Variants in MTNR1B observed in about 807,000 individuals in gnomAD.
The protein encoded by MTNR1B is melatonin receptor 1B, also known as melatonin receptor type 1B.
Under a neutral mutation model 7.0 loss-of-function variants are expected in MTNR1B, and 7 were observed. The observed-to-expected ratio is 1.00, with a 90% CI of 0.57 to 1.88. The LOEUF is 1.88. MTNR1B is among the 40% of genes most tolerant of loss of function. MTNR1B has a pLI of 0.00. For missense variants in MTNR1B, 478 were observed against 486.5 expected (o/e 0.98, Z 0.16); for synonymous variants, 226 against 208.2 (o/e 1.09, Z -0.74).
At chr11:92,983,643 G>A (rs955900573), downstream of MTNR1B, among the ~76,000 whole-genome samples, 1 of 152,130 alleles carries the variant, frequency 6.6e-6, no homozygotes, top group Non-Finnish European at 1.5e-5. Flanking sequence ...TTATGTATTT[G>A]TGGACTTTAT....
At chr11:92,972,404 C>A (rs1278440369) in intron 1 of MTNR1B, 2 of 456,108 alleles carry the variant, frequency 4.4e-6, no homozygotes, top group African/African-American at 2.0e-5. Flanking sequence ...TCATTCCTAA[C>A]AGTGCCGCTC....
intron 1 of MTNR1B, among the ~76,000 whole-genome samples, chr11:92,978,282 AAGAG>A (rs1365237354): frequency 2.0e-5 from 3 of 152,230 alleles, no homozygotes; most frequent in Non-Finnish European, 2.9e-5. Context: ...TCCAGAAAGA[AAGAG>A]AGAGGAAGAG....
intron 1 of MTNR1B, chr11:92,972,499 G>T: frequency 2.2e-6 from 1 of 456,164 alleles, no homozygotes; most frequent in Non-Finnish European, 4.4e-6. Context: ...GCATGTGGTG[G>T]GTTGACTTCA....
At chr11:92,970,967 T>C (rs1857913229) in intron 1 of MTNR1B, among the ~76,000 whole-genome samples, 1 of 152,140 alleles carries the variant, frequency 6.6e-6, no homozygotes, top group Admixed American at 6.5e-5. Context: ...CTAGAAATTT[T>C]TTTTTTTTGA....
intron 1 of MTNR1B, among the ~76,000 whole-genome samples, chr11:92,973,076 G>A (rs1046569504): frequency 2.0e-5 from 3 of 152,120 alleles, no homozygotes; most frequent in African/African-American, 7.2e-5. Context: ...GACACTGAGG[G>A]CCACTCCCTC....
Position 92,972,107 on chromosome 11 carries a change from C to T in MTNR1B, c.223+2159C>T, listed in dbSNP as rs562497757. Among the ~76,000 whole-genome samples the T allele has an allele frequency of 7.2e-5, 11 of 152,298 alleles. 1 individual carries two copies. In the South Asian group the frequency reaches 2.3e-3, roughly 32 times the overall value. On this transcript the variant is annotated intron_variant, in intron 1 of 1. Transcript: ENST00000257068. ...GTGAGATTTCAAAAGGCGCTTAAAACCTACAGCTCTTTGAATAGTTAGCAC... is the reference window on the plus strand; with the variant it reads ...GTGAGATTTCAAAAGGCGCTTAAAATCTACAGCTCTTTGAATAGTTAGCAC...
At chr11:92,972,781 C>T (rs949569747) in intron 1 of MTNR1B, among the ~76,000 whole-genome samples, 2 of 152,280 alleles carry the variant, frequency 1.3e-5, no homozygotes, top group Non-Finnish European at 1.5e-5. Flanking sequence ...AGCTACACCT[C>T]GCTAATATTT....
intron 1 of MTNR1B, among the ~76,000 whole-genome samples, chr11:92,976,403 C>T (rs924319666): frequency 6.6e-6 from 1 of 152,160 alleles, no homozygotes; most frequent in Non-Finnish European, 1.5e-5. Flanking sequence ...TTATGAGCCT[C>T]TTTCTTGATC....
At chr11:92,975,105 T>A (rs967389540) in intron 1 of MTNR1B, among the ~76,000 whole-genome samples, 5 of 152,178 alleles carry the variant, frequency 3.3e-5, no homozygotes, top group African/African-American at 1.2e-4. Flanking sequence ...TGGCCCGAGG[T>A]GGCCACTTTT....
intron 1 of MTNR1B, among the ~76,000 whole-genome samples, chr11:92,980,092 C>T (rs1591906482): frequency 6.6e-6 from 1 of 152,332 alleles, no homozygotes; most frequent in East Asian, 1.9e-4. Flanking sequence ...ACCCCCAAAG[C>T]CACCACAGCC....
chr11:92,977,500 G>C (rs1407648989), intron 1 of MTNR1B, among the ~76,000 whole-genome samples: 1 of 152,144 alleles, frequency 6.6e-6, no homozygotes, highest in Non-Finnish European at 1.5e-5. Context: ...TCTTATTTGA[G>C]GTAAACAGCC....
intron 1 of MTNR1B, among the ~76,000 whole-genome samples, chr11:92,970,234 T>C (rs766502282): frequency 2.0e-5 from 3 of 152,226 alleles, no homozygotes; most frequent in African/African-American, 4.8e-5. Context: ...CCCACGCTGC[T>C]GGATGCCATC....
At chr11:92,974,068 GT>G (rs1857973657) in intron 1 of MTNR1B, among the ~76,000 whole-genome samples, 1 of 152,214 alleles carries the variant, frequency 6.6e-6, no homozygotes, top group Admixed American at 6.5e-5. Flanking sequence ...TCCTGTGTGA[GT>G]AAAGTTGCTC....
chr11:92,977,864 AC>A (rs1177888866), intron 1 of MTNR1B, among the ~76,000 whole-genome samples: 5 of 152,228 alleles, frequency 3.3e-5, no homozygotes, highest in Non-Finnish European at 7.3e-5. Context: ...AGAAAGTTTA[AC>A]ACTGTTAGAA....
downstream of MTNR1B, among the ~76,000 whole-genome samples, chr11:92,983,172 C>T (rs571407126): frequency 1.3e-5 from 2 of 152,240 alleles, no homozygotes; most frequent in East Asian, 3.9e-4. Context: ...GAGGACAGTG[C>T]CTGACATGTG....
chr11:92,974,939 T>C (rs557762269), intron 1 of MTNR1B, among the ~76,000 whole-genome samples: 4 of 152,256 alleles, frequency 2.6e-5, no homozygotes, highest in African/African-American at 9.6e-5. Flanking sequence ...TGTTTCTCCA[T>C]GTTGGTCAGG....
downstream of MTNR1B, chr11:92,984,724 T>C: frequency 2.8e-6 from 1 of 362,656 alleles, no homozygotes; most frequent in Non-Finnish European, 5.4e-6. Flanking sequence ...TGTCTTCAGT[T>C]TCCTGGGCCC....
intron 1 of MTNR1B, among the ~76,000 whole-genome samples, chr11:92,979,759 C>G (rs1312341884): frequency 6.6e-6 from 1 of 152,174 alleles, no homozygotes; most frequent in South Asian, 2.1e-4. Context: ...GTGGGGTTGA[C>G]CCCATTCCTC....
intron 1 of MTNR1B, among the ~76,000 whole-genome samples, chr11:92,975,995 C>T (rs1858004774): frequency 1.3e-5 from 2 of 152,200 alleles, no homozygotes; most frequent in African/African-American, 4.8e-5. Context: ...GCTGTGAATA[C>T]CTTATTGCCT....
Sources: gnomAD v4.1 joint callset for allele counts (sites outside exome capture counted in the v4.1 genomes callset) on GRCh38, gnomAD v4.1.1 for gene constraint, MANE v1.5 for transcripts, NCBI Gene and HGNC (gene_info 2026-07-23, HGNC 2026-07-21) for gene names.